ANLN: variants seen among roughly 807,000 people sequenced by gnomAD.
ANLN encodes anillin, actin binding protein.
ANLN carries 59 observed loss-of-function variants against 135.1 expected under a neutral mutation model. The ratio of observed to expected loss-of-function variants is 0.44; its 90% CI spans 0.35 to 0.54. The LOEUF is 0.54. ANLN is among the 20% of genes least tolerant of loss of function. ANLN has a pLI of 0.00. For missense variants in ANLN, 1,182 were observed against 1,340.0 expected (o/e 0.88, Z 1.84); for synonymous variants, 406 against 456.4 (o/e 0.89, Z 1.41).
chr7:36,426,887 A>G (rs1196243184), intron 19 of ANLN, 29 bp from the exon 20 acceptor site: 1 of 1,438,156 alleles, frequency 7.0e-7, no homozygotes, highest in East Asian at 2.4e-5. Flanking sequence ...GTCATTCTGA[A>G]CTAAACTTAA....
intron 7 of ANLN, among the ~76,000 whole-genome samples, chr7:36,412,692 A>G (rs140363884): frequency 1.6e-3 from 245 of 152,238 alleles, no homozygotes; most frequent in Admixed American, 4.1e-3. Context: ...AGTGCTCCTC[A>G]TAGTCATCAT....
At chr7:36,424,774 T>A (rs1788013631) in intron 17 of ANLN, 32 bp downstream of exon 17, 1 of 1,589,442 alleles carries the variant, frequency 6.3e-7, no homozygotes, top group Non-Finnish European at 8.6e-7. Context: ...TAAAAATATT[T>A]TCATCAGAAG....
chr7:36,440,174 G>A lies in ANLN; in HGVS notation c.2970+884G>A, dbSNP rs556336123. On this transcript the variant is annotated intron_variant, in intron 21 of 23. Coordinates refer to ENST00000265748, the MANE Select transcript of ANLN (RefSeq NM_018685.5). The stretch of plus-strand genomic sequence containing the variant: ...AGAGGTAAAGATGTGGATATCTGCA[G>A]CATGGGGAAGCCCAGGGCAAGTGAG... 3.3e-5 allele frequency among the ~76,000 whole-genome samples: 5 copies of A among 152,368 alleles called. No homozygotes were observed. The East Asian group carries it at 9.6e-4, about 29-fold the overall frequency.
chr7:36,408,720 A>T (rs538981955), intron 5 of ANLN, among the ~76,000 whole-genome samples: 1 of 152,224 alleles, frequency 6.6e-6, no homozygotes, highest in East Asian at 1.9e-4. Context: ...ACCTCTCTTC[A>T]TCCCCCAGTT....
intron 3 of ANLN, among the ~76,000 whole-genome samples, chr7:36,400,394 C>CT (rs1324310116): frequency 6.6e-6 from 1 of 152,114 alleles, no homozygotes; most frequent in Non-Finnish European, 1.5e-5. Flanking sequence ...GAGTCTCACT[C>CT]TGTTACCCAG....
chr7:36,425,886 T>C, intron 18 of ANLN, 129 bp from the exon 19 acceptor site: 1 of 1,141,242 alleles, frequency 8.8e-7, no homozygotes, highest in South Asian at 1.5e-5. Flanking sequence ...GTAATTTATG[T>C]AGGAAAAGTG....
chr7:36,449,744 G>A lies in ANLN; in HGVS notation c.3158G>A (p.Arg1053His), dbSNP rs767666268. 11 of 1,613,854 alleles carry A rather than the reference G, an allele frequency of 6.8e-6. No individual in the cohort carries two copies. Among genetic ancestry groups the A allele is most frequent in the Non-Finnish European group, 7.6e-6 (9 of 1,179,936 alleles). The change falls in exon 23 of 24, where the codon CGC becomes CAC. Residue 1053 changes from arginine (R) to histidine (H), a missense_variant. This residue lies in a region of ANLN where 82 missense variants were observed against 133.3 expected (regional missense o/e 0.62). Transcript: ENST00000265748. ...EPANREFCARRNTFELITVRP... is the reference protein window; with the variant it reads ...EPANREFCARHNTFELITVRP... ...GCCAACAGAGAATTTTGTGCAAGAC[G>A]CAACACTTTTGAATTAATTACTGTC...
intron 9 of ANLN, among the ~76,000 whole-genome samples, chr7:36,418,660 T>G (rs1304095850): frequency 6.6e-6 from 1 of 152,246 alleles, no homozygotes; most frequent in Non-Finnish European, 1.5e-5. Flanking sequence ...TGGCTATTAT[T>G]CTACATTTGA....
intron 1 of ANLN, among the ~76,000 whole-genome samples, chr7:36,390,906 T>C (rs926801339): frequency 2.0e-5 from 3 of 152,256 alleles, no homozygotes; most frequent in African/African-American, 7.2e-5. Context: ...CCTCTTTCTT[T>C]AGGCTGTTGT....
At chr7:36,447,620 G>T (rs1411144803) in intron 22 of ANLN, among the ~76,000 whole-genome samples, 2 of 151,782 alleles carry the variant, frequency 1.3e-5, no homozygotes, top group Non-Finnish European at 2.9e-5. Context: ...TAGAGACGGG[G>T]TTTCACCGTG....
At position 36,403,320 on chromosome 7, in the gene ANLN, G is replaced by A. The variant is rs1000884183; in HGVS notation, c.488-2861G>A. ...TGATGTCTTTTCCTAAGATGAGGAG[G>A]AATATGTTCGGGGCAATTTCAACTT... On this transcript the variant is annotated intron_variant, in intron 3 of 23. Transcript: ENST00000265748. Among the ~76,000 whole-genome samples the A allele has an allele frequency of 2.0e-5, 3 of 152,122 alleles. No individual in the cohort carries two copies. In the East Asian group the frequency reaches 5.8e-4, roughly 29 times the overall value.
intron 3 of ANLN, among the ~76,000 whole-genome samples, chr7:36,405,668 A>G (rs1393653440): frequency 1.3e-5 from 2 of 152,228 alleles, no homozygotes; most frequent in African/African-American, 4.8e-5. Context: ...ATGCTATCCA[A>G]TACAGAAGAC....
At position 36,449,844 on chromosome 7, in the gene ANLN, A is replaced by G. The variant is rs189228251; in HGVS notation, c.3251+7A>G. On this transcript the variant is annotated splice_region_variant and intron_variant, in intron 23 of 23. Coordinates refer to ENST00000265748, the MANE Select transcript of ANLN (RefSeq NM_018685.5). ...ACACACTCTGTGTTACCAAGTATGT[A>G]TTGGCCTATAAATATTTCTATCAAC... 562 of 1,610,320 alleles carry G rather than the reference A, an allele frequency of 3.5e-4. 2 individuals carry two copies. The African/African-American group carries it at 7.0e-3, about 20-fold the overall frequency.
intron 20 of ANLN, among the ~76,000 whole-genome samples, chr7:36,437,069 T>A (rs1241987536): frequency 2.0e-5 from 3 of 152,186 alleles, no homozygotes; most frequent in African/African-American, 2.4e-5. Flanking sequence ...AAGCATTATG[T>A]TATATAGCAG....
intron 20 of ANLN, among the ~76,000 whole-genome samples, chr7:36,433,420 T>A (rs890135723): frequency 6.6e-6 from 1 of 151,888 alleles, no homozygotes; most frequent in Non-Finnish European, 1.5e-5. Context: ...TTTATGGCTT[T>A]AATTGTTTCT....
At chr7:36,431,561 T>TG (rs1788311850) in intron 20 of ANLN, among the ~76,000 whole-genome samples, 7 of 76,040 alleles carry the variant, frequency 9.2e-5, no homozygotes, top group Non-Finnish European at 1.5e-4. Flanking sequence ...ATGTGTGTGT[T>TG]TGTGTGTGTG....
intron 20 of ANLN, among the ~76,000 whole-genome samples, chr7:36,433,662 G>A (rs1348412689): frequency 6.6e-6 from 1 of 151,990 alleles, no homozygotes; most frequent in Non-Finnish European, 1.5e-5. Context: ...AGTTAATGTA[G>A]ACTATTGACT....
chr7:36,436,039 CA>C lies in ANLN; in HGVS notation c.2884-3161del, dbSNP rs753386494. On this transcript the variant is annotated intron_variant, in intron 20 of 23. Coordinates refer to ENST00000265748, the MANE Select transcript of ANLN (RefSeq NM_018685.5). ...CATTTAGTACATTCACAATGTTGTT[CA>C]AAATACCTCTGTCTAATTCGAAATA... Among the ~76,000 whole-genome samples, 23 of 152,078 alleles carry C rather than the reference CA, an allele frequency of 1.5e-4. No individual in the cohort carries two copies. The South Asian group carries it at 3.1e-3, about 21-fold the overall frequency.
intron 7 of ANLN, among the ~76,000 whole-genome samples, chr7:36,414,695 T>C (rs1295115901): frequency 6.6e-6 from 1 of 152,226 alleles, no homozygotes; most frequent in African/African-American, 2.4e-5. Flanking sequence ...CTTTGCTTTT[T>C]GTGTTTTTAA....
Sources: gnomAD v4.1 joint callset for allele counts (sites outside exome capture counted in the v4.1 genomes callset) on GRCh38, gnomAD v4.1.1 for gene constraint, gnomAD v4.1.1 regional missense constraint, MANE v1.5 for transcripts, NCBI Gene and HGNC (gene_info 2026-07-23, HGNC 2026-07-21) for gene names.